PCDHGA4: variants seen among roughly 807,000 people sequenced by gnomAD.
PCDHGA4 encodes the protein protocadherin gamma subfamily A, 4.
PCDHGA4 carries 38 observed loss-of-function variants against 54.6 expected under a neutral mutation model. That is an observed-to-expected ratio of 0.70 (90% CI 0.54 to 0.91). PCDHGA4 has a LOEUF of 0.91. Among genes scored for constraint, PCDHGA4 ranks in the 40% least tolerant of loss-of-function variants. PCDHGA4 has a pLI of 0.00. For missense variants in PCDHGA4, 1,298 were observed against 1,220.9 expected (o/e 1.06, Z -0.94); for synonymous variants, 511 against 512.9 (o/e 1.00, Z 0.05).
chr5:141,436,121 C>T (rs2097796819), intron 1 of PCDHGA4, among the ~76,000 whole-genome samples: 1 of 152,154 alleles, frequency 6.6e-6, no homozygotes, highest in Admixed American at 6.5e-5. Context: ...AAACCTCTCT[C>T]CTCCATCATC....
At chr5:141,429,385 T>A (rs1274446916) in intron 1 of PCDHGA4, among the ~76,000 whole-genome samples, 1 of 151,844 alleles carries the variant, frequency 6.6e-6, no homozygotes, top group Non-Finnish European at 1.5e-5. Flanking sequence ...GTGTTTTTTT[T>A]TTAAAAAAAA....
chr5:141,433,204 C>T, intron 1 of PCDHGA4: 6 of 1,566,938 alleles, frequency 3.8e-6, no homozygotes, highest in Admixed American at 2.0e-5. Flanking sequence ...ATCAAATCTT[C>T]TTTCTTTTTT....
chr5:141,409,706 T>A, intron 1 of PCDHGA4: 1 of 1,613,210 alleles, frequency 6.2e-7, no homozygotes, highest in Non-Finnish European at 8.5e-7. Context: ...CCTGGCGGTG[T>A]CGTCATACGT....
At chr5:141,384,286 G>A (rs760333073) in intron 1 of PCDHGA4, 3 of 1,613,834 alleles carry the variant, frequency 1.9e-6, no homozygotes, top group South Asian at 2.2e-5. Context: ...CTACATCGCT[G>A]AGAACAACCC....
intron 1 of PCDHGA4, among the ~76,000 whole-genome samples, chr5:141,462,559 T>G (rs1035231534): frequency 6.6e-6 from 1 of 152,248 alleles, no homozygotes; most frequent in African/African-American, 2.4e-5. Flanking sequence ...CAGTGTTTAC[T>G]GTATTTGCTA....
At chr5:141,362,368 G>A (rs751597172) in intron 1 of PCDHGA4, 1 of 1,613,950 alleles carries the variant, frequency 6.2e-7, no homozygotes, top group Non-Finnish European at 8.5e-7. Context: ...CAATTACAGT[G>A]AGGGTACATT....
At chr5:141,381,820 C>CTTTCTTTCTTTCTTTCT (rs1279410534) in intron 1 of PCDHGA4, among the ~76,000 whole-genome samples, 49 of 119,880 alleles carry the variant, frequency 4.1e-4, no homozygotes, top group African/African-American at 1.5e-3. Flanking sequence ...TTCTTTCTTT[C>CTTTCTTTCTTTCTTTCT]TTCTTCTTTT....
chr5:141,504,287 T>C (rs1191226511), intron 2 of PCDHGA4, among the ~76,000 whole-genome samples: 2 of 152,166 alleles, frequency 1.3e-5, no homozygotes, highest in Non-Finnish European at 2.9e-5. Flanking sequence ...AATCATTTCA[T>C]GTTTTTTCAA....
chr5:141,357,791 A>C, intron 1 of PCDHGA4, 170 bp downstream of exon 1: 1 of 828,800 alleles, frequency 1.2e-6, no homozygotes, highest in African/African-American at 1.7e-5. Flanking sequence ...AGTATTTACC[A>C]CACAAAAATG....
chr5:141,361,636 A>G (rs767493690), intron 1 of PCDHGA4: 3 of 1,613,640 alleles, frequency 1.9e-6, no homozygotes, highest in African/African-American at 1.3e-5. Context: ...GCCGCGGGAG[A>G]TTTTATCCTA....
At chr5:141,376,311 T>G in intron 1 of PCDHGA4, 1 of 1,613,882 alleles carries the variant, frequency 6.2e-7, no homozygotes, top group Non-Finnish European at 8.5e-7. Context: ...TTTGTGGGCG[T>G]GGAAGGGGTT....
intron 1 of PCDHGA4, among the ~76,000 whole-genome samples, chr5:141,484,454 G>A (rs932663778): frequency 6.6e-6 from 1 of 152,212 alleles, no homozygotes; most frequent in African/African-American, 2.4e-5. Context: ...AATTGGCTAC[G>A]TTAATGTGTA....
At position 141,432,651 on chromosome 5, in the gene PCDHGA4, C is replaced by A; in HGVS notation, c.2515-62156C>A. 2.5e-6 allele frequency: 4 copies of A among 1,613,824 alleles called. No individual in the cohort carries two copies. The highest frequency in any genetic ancestry group is 1.1e-5 in the South Asian group (1 of 91,058). ...ACGGGCGAGGTGCGCACGGCGCGAG[C>A]CCTGCTGGACAGAGACGCGCTCAAG... On this transcript the variant is annotated intron_variant, in intron 1 of 3. Coordinates refer to ENST00000571252, the MANE Select transcript of PCDHGA4 (RefSeq NM_018917.4). This position sits in a 1 kb window ranked among gnomAD's most constrained non-coding sequence, Gnocchi z 6.0.
chr5:141,389,628 C>T (rs2091851910), intron 1 of PCDHGA4: 1 of 1,613,000 alleles, frequency 6.2e-7, no homozygotes, highest in Non-Finnish European at 8.5e-7. Context: ...CGCTGCAGAG[C>T]CTGGCTACTT....
chr5:141,395,748 GA>G (rs1300341557), intron 1 of PCDHGA4: 2 of 152,878 alleles, frequency 1.3e-5, no homozygotes, highest in African/African-American at 4.8e-5. Flanking sequence ...CCTCTTTTCT[GA>G]GCCCTGTTTC....
chr5:141,503,304 A>G (rs946582779), intron 2 of PCDHGA4, among the ~76,000 whole-genome samples: 1 of 152,150 alleles, frequency 6.6e-6, no homozygotes, highest in African/African-American at 2.4e-5. Flanking sequence ...ATTGCTCAAG[A>G]AAGAATTGTT....
intron 1 of PCDHGA4, chr5:141,377,280 AT>A (rs1037514714): frequency 2.0e-5 from 3 of 151,272 alleles, no homozygotes; most frequent in East Asian, 1.9e-4. Context: ...GGGAAAAAAA[AT>A]AACCTTAATT....
chr5:141,415,482 G>C, intron 1 of PCDHGA4: 1 of 1,614,218 alleles, frequency 6.2e-7, no homozygotes, highest in Non-Finnish European at 8.5e-7. Context: ...ACTCGCGAAA[G>C]AGTCACCTGA....
intron 1 of PCDHGA4, chr5:141,360,166 G>C (rs909709535): frequency 3.1e-6 from 5 of 1,607,806 alleles, no homozygotes; most frequent in Non-Finnish European, 4.2e-6. Flanking sequence ...GTGCGGGCTG[G>C]TGCGGTGGCT....
Sources: allele counts gnomAD v4.1 joint callset (sites outside exome capture counted in the v4.1 genomes callset), GRCh38; gene constraint gnomAD v4.1.1; non-coding constraint Gnocchi (gnomAD v3.1); transcripts MANE v1.5; gene names NCBI Gene and HGNC (gene_info 2026-07-23, HGNC 2026-07-21).